The following ZPLD1 variants were observed in gnomAD, a reference collection of about 807,000 sequenced individuals.
The protein encoded by ZPLD1 is zona pellucida-like domain-containing protein 1.
ZPLD1 carries 34 observed loss-of-function variants against 47.2 expected under a neutral mutation model. That is an observed-to-expected ratio of 0.72 (90% CI 0.55 to 0.96). ZPLD1 has a LOEUF of 0.96. Among genes scored for constraint, ZPLD1 ranks in the 40% least tolerant of loss-of-function variants. The pLI, the probability that ZPLD1 is intolerant of heterozygous loss-of-function variation, is 0.00. For synonymous variants in ZPLD1, 176 were observed against 186.2 expected, an observed-to-expected ratio of 0.95 and a Z score of 0.45; for missense variants, 512 against 505.8, an observed-to-expected ratio of 1.01 and a Z score of -0.12.
At chr3:102,469,952 A>G (rs1318564746) in intron 9 of ZPLD1, among the ~76,000 whole-genome samples, 4 of 152,166 alleles carry the variant, frequency 2.6e-5, no homozygotes, top group Non-Finnish European at 4.4e-5. Flanking sequence ...TTTATGTTCA[A>G]TTTATGCATA....
At chr3:102,396,449 A>G (rs1022309901) in intron 7 of ZPLD1, among the ~76,000 whole-genome samples, 1 of 152,146 alleles carries the variant, frequency 6.6e-6, no homozygotes, top group Non-Finnish European at 1.5e-5. Context: ...CTAGTTTTCT[A>G]CACTCAGAAC....
chr3:102,463,188 G>C lies in ZPLD1; in HGVS notation c.680+810G>C, dbSNP rs140732360. 8.6e-3 allele frequency among the ~76,000 whole-genome samples: 1,303 copies of C among 152,176 alleles called. 13 individuals carry two copies. Among genetic ancestry groups the C allele is most frequent in the African/African-American group, 0.029 (1,210 of 41,514 alleles). On this transcript the variant is annotated intron_variant, in intron 7 of 11. Coordinates refer to ENST00000466937, the MANE Select transcript of ZPLD1 (RefSeq NM_001329788.2). Reference sequence around the variant, plus strand: ...TTGGAATGGACTAATGTATAAATGTGAGCAAAATCTAACCTTGTGGAGGAA... The same window carrying C: ...TTGGAATGGACTAATGTATAAATGTCAGCAAAATCTAACCTTGTGGAGGAA...
At chr3:102,389,027 C>A (rs1706467120) in intron 6 of ZPLD1, among the ~76,000 whole-genome samples, 1 of 152,168 alleles carries the variant, frequency 6.6e-6, no homozygotes, top group Non-Finnish European at 1.5e-5. Context: ...TGGGCTGTTT[C>A]TTCTTTATCC....
intron 6 of ZPLD1, among the ~76,000 whole-genome samples, chr3:102,389,328 G>A (rs1253658521): frequency 6.6e-6 from 1 of 152,174 alleles, no homozygotes; most frequent in Non-Finnish European, 1.5e-5. Context: ...GTTGTGCTAA[G>A]TGCTAAACTC....
chr3:102,472,553 G>T (rs147800379), intron 10 of ZPLD1, among the ~76,000 whole-genome samples: 17 of 151,520 alleles, frequency 1.1e-4, no homozygotes, highest in Non-Finnish European at 1.9e-4. Flanking sequence ...AAAAAAGACT[G>T]GTTTGTAGCT....
chr3:102,428,791 G>A (rs1264163736), intron 8 of ZPLD1, among the ~76,000 whole-genome samples: 1 of 151,114 alleles, frequency 6.6e-6, no homozygotes, highest in Non-Finnish European at 1.5e-5. Context: ...TAGCATTTCA[G>A]TTTTACATAA....
At chr3:102,456,696 G>A (rs1707422807) in intron 5 of ZPLD1, among the ~76,000 whole-genome samples, 1 of 152,126 alleles carries the variant, frequency 6.6e-6, no homozygotes, top group Non-Finnish European at 1.5e-5. Flanking sequence ...CACTCCCTTT[G>A]CCCAAGAGCC....
Position 102,477,808 on chromosome 3 carries a change from G to A in ZPLD1, c.*190G>A, listed in dbSNP as rs184402174. On this transcript the variant is annotated 3_prime_UTR_variant, in exon 12 of 12. Transcript: ENST00000466937. ...TATATTGCTATTGTCACTTATGTAC[G>A]TGGCGAGCCGTATTTTTATGCCACC... 716 of 455,190 alleles carry A rather than the reference G, an allele frequency of 1.6e-3. 3 individuals are homozygous for A. The highest frequency in any genetic ancestry group is 2.3e-3 in the Middle Eastern group (4 of 1,736). 28.2% of individuals were successfully genotyped at this position (455,190 alleles called of 1,614,324 possible). A position where few individuals can be genotyped will look rare whatever the true frequency, so the allele number is the denominator to read the frequency against.
chr3:102,456,543 T>TTATATATA (rs753149522), intron 5 of ZPLD1, among the ~76,000 whole-genome samples, 169 bp downstream of exon 5: 16 of 125,406 alleles, frequency 1.3e-4, no homozygotes, highest in Middle Eastern at 4.0e-3. Flanking sequence ...TGTTTATCTA[T>TTATATATA]TATATCTATC....
rs751578898 is a variant in ZPLD1, at chr3:102,438,468, T to C, written c.-8-12T>C. 9 of 1,599,346 alleles carry C rather than the reference T, an allele frequency of 5.6e-6. No homozygotes were observed. Among genetic ancestry groups the C allele is most frequent in the Middle Eastern group, 3.3e-4 (2 of 6,040 alleles). On this transcript the variant is annotated splice_polypyrimidine_tract_variant and intron_variant, in intron 2 of 11. Coordinates refer to ENST00000466937, the MANE Select transcript of ZPLD1 (RefSeq NM_001329788.2). ...AGTGGGAGTGTCCACATGATAGATA[T>C]CTCTTTTCCAGGTTTTGCAATGGAA...
chr3:102,444,240 C>A (rs1707222905), intron 3 of ZPLD1, among the ~76,000 whole-genome samples: 1 of 152,166 alleles, frequency 6.6e-6, no homozygotes, highest in South Asian at 2.1e-4. Context: ...GATTATAAGT[C>A]TGCAAAGTTT....
chr3:102,464,303 A>G (rs1707557850), intron 8 of ZPLD1, 52 bp downstream of exon 8: 2 of 1,222,906 alleles, frequency 1.6e-6, no homozygotes, highest in Non-Finnish European at 1.2e-6. Flanking sequence ...CCAGTTGTAG[A>G]TAATTGAAAT....
chr3:102,442,516 AAAG>A (rs1312425553), intron 3 of ZPLD1, among the ~76,000 whole-genome samples: 3 of 152,110 alleles, frequency 2.0e-5, no homozygotes, highest in East Asian at 1.9e-4. Context: ...TTGTTTGCAA[AAAG>A]AAGATCAGAG....
chr3:102,392,114 A>T (rs1706502462), intron 6 of ZPLD1: 1 of 152,174 alleles, frequency 6.6e-6, no homozygotes, highest in Non-Finnish European at 1.5e-5. Context: ...TTACAGAAAA[A>T]GTTTGCTGAC....
intron 7 of ZPLD1, among the ~76,000 whole-genome samples, chr3:102,401,636 G>A (rs941634933): frequency 1.3e-5 from 2 of 152,086 alleles, no homozygotes; most frequent in African/African-American, 4.8e-5. Context: ...TATGGCAGGA[G>A]CAAAACCAGC....
intron 9 of ZPLD1, 64 bp downstream of exon 9, chr3:102,469,199 G>A (rs1027559408): frequency 5.2e-5 from 79 of 1,513,604 alleles, no homozygotes; most frequent in Non-Finnish European, 6.8e-5. Context: ...GTTATCAAAT[G>A]TCAGAAACTA....
At chr3:102,403,374 C>T (rs549019832) in intron 7 of ZPLD1, among the ~76,000 whole-genome samples, 3 of 151,902 alleles carry the variant, frequency 2.0e-5, no homozygotes, top group East Asian at 1.9e-4. Flanking sequence ...AATATTCATC[C>T]GAATTATAGA....
chr3:102,453,148 A>G lies in ZPLD1; in HGVS notation c.327+9A>G, dbSNP rs1559756371. 6.2e-7 allele frequency: 1 copy of G among 1,612,048 alleles called. No individual in the cohort carries two copies. Among genetic ancestry groups the G allele is most frequent in the Admixed American group, 1.7e-5 (1 of 59,946 alleles). ...GTGGAAACAACCTGGTGGTAAGATT[A>G]GTGTGACATTGTGTGCTAGGTCTGG... On this transcript the variant is annotated intron_variant, in intron 4 of 11. Coordinates refer to ENST00000466937, the MANE Select transcript of ZPLD1 (RefSeq NM_001329788.2).
At chr3:102,469,921 AATACC>A (rs1707655594) in intron 9 of ZPLD1, among the ~76,000 whole-genome samples, 1 of 152,164 alleles carries the variant, frequency 6.6e-6, no homozygotes, top group Non-Finnish European at 1.5e-5. Context: ...TTTAATTTGA[AATACC>A]ATTAATATGT....
Sources: gnomAD v4.1 joint callset for allele counts (sites outside exome capture counted in the v4.1 genomes callset) on GRCh38, gnomAD v4.1.1 for gene constraint, MANE v1.5 for transcripts, NCBI Gene and HGNC (gene_info 2026-07-23, HGNC 2026-07-21) for gene names.